Variants in GRID1 observed in about 807,000 individuals in gnomAD.
GRID1 encodes glutamate ionotropic receptor delta type subunit 1, also known as glutamate receptor ionotropic, delta-1.
GRID1 carries 28 observed loss-of-function variants against 98.0 expected under a neutral mutation model. The observed-to-expected ratio is 0.29, with a 90% CI of 0.21 to 0.39. GRID1 has a LOEUF of 0.39. Among genes scored for constraint, GRID1 ranks in the 10% least tolerant of loss-of-function variants. GRID1 has a pLI of 1.00. For synonymous variants in GRID1, 553 were observed against 538.5 expected (o/e 1.03, Z -0.37); for missense variants, 1,111 against 1,340.5 (o/e 0.83, Z 2.67).
intron 2 of GRID1, among the ~76,000 whole-genome samples, chr10:86,330,810 C>T (rs7923823): frequency 5.8e-4 from 88 of 152,336 alleles, no homozygotes; most frequent in African/African-American, 2.0e-3. Context: ...CCAGGAAGCC[C>T]GCTGCACATG....
chr10:86,007,573 CTTTA>C (rs1157773955), intron 4 of GRID1, among the ~76,000 whole-genome samples: 10 of 152,298 alleles, frequency 6.6e-5, no homozygotes, highest in African/African-American at 2.4e-4. Context: ...ACAAGATGTT[CTTTA>C]TACAATATCA....
rs942040056 is a variant in GRID1, at chr10:85,602,233, C to T, written c.*40G>A. 1.8e-5 allele frequency: 16 copies of T among 909,570 alleles called. No homozygotes were observed. Among genetic ancestry groups the T allele is most frequent in the African/African-American group, 1.5e-4 (3 of 20,272 alleles). The allele number at this position is 909,570 out of a possible 1,614,324, so 56.3% of individuals were successfully genotyped here. A position where few individuals can be genotyped will look rare whatever the true frequency, so the allele number is the denominator to read the frequency against. On this transcript the variant is annotated 3_prime_UTR_variant, in exon 16 of 16. Transcript: ENST00000327946. ...TCTTGTATTAAAAAGCTCTGCTGGT[C>T]GGGTGGGTGGGAGGGTGGGCAGGAG...
chr10:86,016,706 T>C (rs1419188200), intron 4 of GRID1, among the ~76,000 whole-genome samples: 1 of 152,226 alleles, frequency 6.6e-6, no homozygotes, highest in Non-Finnish European at 1.5e-5. Flanking sequence ...TTTCAATGGC[T>C]CTAAAAAATA....
chr10:86,284,865 T>C (rs887316585), intron 2 of GRID1, among the ~76,000 whole-genome samples: 3 of 151,988 alleles, frequency 2.0e-5, no homozygotes, highest in South Asian at 4.1e-4. Flanking sequence ...GGGAAGAAAA[T>C]TGGGCTGTGG....
intron 4 of GRID1, among the ~76,000 whole-genome samples, chr10:85,979,690 G>A (rs544162509): frequency 6.6e-6 from 1 of 152,342 alleles, no homozygotes; most frequent in East Asian, 1.9e-4. Flanking sequence ...ATCACATGCT[G>A]TGGTACTGGG....
At chr10:85,720,633 C>CAAAAAAAAAAAA (rs1178857868) in intron 12 of GRID1, among the ~76,000 whole-genome samples, 2 of 79,088 alleles carry the variant, frequency 2.5e-5, no homozygotes, top group Non-Finnish European at 6.3e-5. Context: ...AACAAACAGA[C>CAAAAAAAAAAAA]AAAAAAAAAA....
chr10:86,293,216 T>C (rs1847540923), intron 2 of GRID1, among the ~76,000 whole-genome samples: 1 of 152,188 alleles, frequency 6.6e-6, no homozygotes, highest in Non-Finnish European at 1.5e-5. Context: ...CCTTCTTTCT[T>C]TCCCTGTGGC....
At chr10:85,657,920 C>G (rs1840920925) in intron 12 of GRID1, among the ~76,000 whole-genome samples, 1 of 152,206 alleles carries the variant, frequency 6.6e-6, no homozygotes, top group Non-Finnish European at 1.5e-5. Context: ...TGCCAGCCAG[C>G]AGGACCTGCA....
chr10:86,229,645 A>C (rs994958623), intron 2 of GRID1, among the ~76,000 whole-genome samples: 5 of 152,090 alleles, frequency 3.3e-5, no homozygotes, highest in Non-Finnish European at 7.4e-5. Flanking sequence ...TTCATTCTTA[A>C]GCAGGTTTGT....
At chr10:86,021,974 TTCAATTTAAA>T (rs1843055503) in intron 4 of GRID1, among the ~76,000 whole-genome samples, 2 of 152,218 alleles carry the variant, frequency 1.3e-5, no homozygotes, top group Admixed American at 1.3e-4. Flanking sequence ...AAGCTGCATA[TTCAATTTAAA>T]ATTGTCTAGC....
intron 2 of GRID1, among the ~76,000 whole-genome samples, chr10:86,272,040 T>A (rs1239830393): frequency 6.6e-6 from 1 of 152,072 alleles, no homozygotes; most frequent in Non-Finnish European, 1.5e-5. Context: ...CAGAGAAATA[T>A]ATTATGTTCA....
At chr10:85,774,406 T>C (rs1285383657) in intron 8 of GRID1, among the ~76,000 whole-genome samples, 9 of 152,178 alleles carry the variant, frequency 5.9e-5, no homozygotes, top group African/African-American at 1.9e-4. Flanking sequence ...ATTCAGGACA[T>C]AGGCATGGGC....
chr10:85,932,137 C>G (rs747162401), intron 4 of GRID1, among the ~76,000 whole-genome samples: 1 of 152,194 alleles, frequency 6.6e-6, no homozygotes, highest in Non-Finnish European at 1.5e-5. Flanking sequence ...CAGGCTCACC[C>G]CACAATAGTA....
At chr10:85,701,429 G>T (rs1841450425) in intron 12 of GRID1, among the ~76,000 whole-genome samples, 1 of 152,102 alleles carries the variant, frequency 6.6e-6, no homozygotes, top group Admixed American at 6.5e-5. Context: ...TCTTACTGTT[G>T]TTGAGGCTGT....
chr10:85,990,412 C>T (rs962047139), intron 4 of GRID1, among the ~76,000 whole-genome samples: 3 of 152,194 alleles, frequency 2.0e-5, no homozygotes, highest in African/African-American at 7.2e-5. Context: ...CAGGAATGAT[C>T]TGCCTTCACA....
At chr10:86,269,704 C>A (rs1217756333) in intron 2 of GRID1, among the ~76,000 whole-genome samples, 1 of 152,178 alleles carries the variant, frequency 6.6e-6, no homozygotes, top group African/African-American at 2.4e-5. Context: ...TCTCAATTCC[C>A]AAGCTGGACT....
Position 86,335,017 on chromosome 10 carries a change from A to G in GRID1, c.235+28924T>C, listed in dbSNP as rs190952010. Among the ~76,000 whole-genome samples, 160 of 152,370 alleles carry G rather than the reference A, an allele frequency of 1.1e-3. 1 individual carries two copies. Among genetic ancestry groups the G allele is most frequent in the African/African-American group, 3.7e-3 (153 of 41,586 alleles). On this transcript the variant is annotated intron_variant, in intron 2 of 15. Transcript: ENST00000327946. ...TTTTGCTCAACCAGGAGATATGCCC[A>G]CCACCTAGCACATCCTGCTGTAATA... is the stretch of plus-strand genomic sequence containing the variant.
chr10:85,599,802 A>AAATATATATATATATATATAT lies in GRID1; in HGVS notation c.*2470_*2471insATATATATATATATATATATT. On this transcript the variant is annotated 3_prime_UTR_variant, in exon 16 of 16. Transcript: ENST00000327946. Reference sequence around the variant, plus strand: ...GTAGAAAATTCTAAAAAAAAAAAAAAATATATATATATATATATAAACATG... The same window carrying AAATATATATATATATATATAT: ...GTAGAAAATTCTAAAAAAAAAAAAAAAATATATATATATATATATATATATATATATATATATATAAACATG... 3.1e-5 allele frequency: 2 copies of AAATATATATATATATATATAT among 65,000 alleles called. No individual in the cohort carries two copies. The highest frequency in any genetic ancestry group is 9.3e-5 in the African/African-American group (1 of 10,730). The allele number at this position is 65,000 out of a possible 1,614,324, so 4.0% of individuals were successfully genotyped here. A position where few individuals can be genotyped will look rare whatever the true frequency, so the allele number is the denominator to read the frequency against.
At position 85,647,283 on chromosome 10, in the gene GRID1, C is replaced by T. The variant is rs749502492; in HGVS notation, c.2112G>A (p.Thr704=). The T allele has an allele frequency of 2.2e-5, 35 of 1,614,092 alleles. No individual in the cohort carries two copies. Among genetic ancestry groups the T allele is most frequent in the East Asian group, 4.5e-5 (2 of 44,896 alleles). The change falls in exon 13 of 16, where the codon ACG becomes ACA. Residue 704 remains threonine (T), a synonymous_variant. Transcript: ENST00000327946. ...TGATGGTCCGCCAGAGTTCAGCAAA[C>T]GTGCTGTCCTGCTCCAGGGGGTTGG... ...KGTNPLEQDS[T]FAELWRTISK... is the part of the protein sequence containing the mutation.
Sources: gnomAD v4.1 joint callset for allele counts (sites outside exome capture counted in the v4.1 genomes callset) on GRCh38, gnomAD v4.1.1 for gene constraint, MANE v1.5 for transcripts, NCBI Gene and HGNC (gene_info 2026-07-23, HGNC 2026-07-21) for gene names.